The following GALNT2 variants were observed in gnomAD, a reference collection of about 807,000 sequenced individuals.
GALNT2 encodes the protein polypeptide N-acetylgalactosaminyltransferase 2.
A neutral mutation model predicts 81.4 loss-of-function variants in GALNT2; 31 were observed. The observed-to-expected ratio is 0.38, with a 90% CI of 0.29 to 0.51. The LOEUF (loss-of-function observed/expected upper bound fraction) is 0.51, where lower values mean the gene tolerates loss of function less well. Ranked by LOEUF, GALNT2 falls within the 20% of genes least tolerant of loss-of-function variation. GALNT2 has a pLI of 0.87. For missense variants in GALNT2, 629 were observed against 765.7 expected (o/e 0.82, Z 2.11); for synonymous variants, 303 against 287.4 (o/e 1.05, Z -0.55).
intron 2 of GALNT2, among the ~76,000 whole-genome samples, chr1:230,191,394 G>A (rs1488203824): frequency 6.6e-6 from 1 of 152,208 alleles, no homozygotes; most frequent in African/African-American, 2.4e-5. Context: ...AGGGGAAGTG[G>A]GATCATGATG....
chr1:230,208,310 GA>G (rs1162644615), intron 3 of GALNT2, among the ~76,000 whole-genome samples: 1 of 152,178 alleles, frequency 6.6e-6, no homozygotes, highest in Admixed American at 6.5e-5. Context: ...TAATGGACTG[GA>G]GGGGGGTATG....
intron 1 of GALNT2, among the ~76,000 whole-genome samples, chr1:230,075,684 G>GA (rs1558271469): frequency 1.3e-5 from 2 of 152,202 alleles, no homozygotes; most frequent in Admixed American, 6.5e-5. Flanking sequence ...TCATTCTAGT[G>GA]GGGGGCTGCG....
intron 1 of GALNT2, among the ~76,000 whole-genome samples, chr1:230,128,716 C>T (rs1264706908): frequency 1.3e-5 from 2 of 152,150 alleles, no homozygotes; most frequent in Admixed American, 6.5e-5. Context: ...GGCTGGGAGG[C>T]ATCTGTCTTC....
At chr1:230,218,474 G>A (rs1299658442) in intron 3 of GALNT2, among the ~76,000 whole-genome samples, 11 of 152,168 alleles carry the variant, frequency 7.2e-5, no homozygotes, top group Admixed American at 4.6e-4. Flanking sequence ...ATGGGCTGCC[G>A]TGTGAGGACT....
At chr1:230,119,040 A>G (rs1350252694) in intron 1 of GALNT2, among the ~76,000 whole-genome samples, 1 of 152,160 alleles carries the variant, frequency 6.6e-6, no homozygotes, top group Non-Finnish European at 1.5e-5. Context: ...ACCATAAATC[A>G]TACTTAAAAA....
chr1:230,218,409 C>A (rs901412579), intron 3 of GALNT2, among the ~76,000 whole-genome samples: 2 of 152,148 alleles, frequency 1.3e-5, no homozygotes, highest in Non-Finnish European at 2.9e-5. Flanking sequence ...ACGATCTTGG[C>A]GTGTCAGTTA....
At chr1:230,230,932 C>T (rs986323279) in intron 3 of GALNT2, among the ~76,000 whole-genome samples, 4 of 152,234 alleles carry the variant, frequency 2.6e-5, no homozygotes, top group African/African-American at 9.6e-5. Flanking sequence ...CCTCTCTGGG[C>T]CTTGTAGAGG....
chr1:230,060,694 G>A (rs963209776), intron 1 of GALNT2, among the ~76,000 whole-genome samples: 2 of 152,146 alleles, frequency 1.3e-5, no homozygotes, highest in Non-Finnish European at 2.9e-5. Context: ...CCTTTACTGC[G>A]ATGGTTGTAA....
intron 1 of GALNT2, among the ~76,000 whole-genome samples, chr1:230,151,597 C>T (rs1409014199): frequency 6.6e-6 from 1 of 152,162 alleles, no homozygotes; most frequent in Non-Finnish European, 1.5e-5. Flanking sequence ...AGGATCTCCC[C>T]ACATGTCCCT....
intron 1 of GALNT2, among the ~76,000 whole-genome samples, chr1:230,118,144 C>T (rs1660903140): frequency 6.6e-6 from 1 of 152,220 alleles, no homozygotes; most frequent in Non-Finnish European, 1.5e-5. Context: ...ATTTAAGGTT[C>T]TTCCATGTCT....
chr1:230,200,313 C>T (rs1393375024), intron 2 of GALNT2, among the ~76,000 whole-genome samples: 2 of 152,260 alleles, frequency 1.3e-5, no homozygotes, highest in South Asian at 2.1e-4. Context: ...CCACCTGCCT[C>T]GGCCTCCCCA....
chr1:230,229,565 TC>T (rs1664811221), intron 3 of GALNT2, among the ~76,000 whole-genome samples: 1 of 152,162 alleles, frequency 6.6e-6, no homozygotes, highest in Non-Finnish European at 1.5e-5. Context: ...TGACCAGTAG[TC>T]CTACTTGTGG....
At chr1:230,097,811 A>T (rs534277473) in intron 1 of GALNT2, among the ~76,000 whole-genome samples, 2 of 152,300 alleles carry the variant, frequency 1.3e-5, no homozygotes, top group East Asian at 1.9e-4. Flanking sequence ...AATTATGGTA[A>T]CACGCACCAA....
At chr1:230,252,940 G>A (rs567741788) in intron 10 of GALNT2, among the ~76,000 whole-genome samples, 147 of 138,298 alleles carry the variant, frequency 1.1e-3, no homozygotes, top group African/African-American at 3.5e-3. Flanking sequence ...TTCGCCTCCC[G>A]GGTTCAAGTG....
At chr1:230,192,109 G>T (rs1181635685) in intron 2 of GALNT2, among the ~76,000 whole-genome samples, 1 of 152,246 alleles carries the variant, frequency 6.6e-6, no homozygotes, top group African/African-American at 2.4e-5. Context: ...CTGAAAGGGG[G>T]CTGGGCAGCT....
chr1:230,236,465 G>A, intron 5 of GALNT2, 45 bp downstream of exon 5: 1 of 1,588,696 alleles, frequency 6.3e-7, no homozygotes, highest in Non-Finnish European at 8.6e-7. Context: ...GCTCTTCTCT[G>A]GGCACCAGTC....
intron 1 of GALNT2, among the ~76,000 whole-genome samples, chr1:230,128,091 G>T (rs566477613): frequency 2.6e-5 from 4 of 152,268 alleles, no homozygotes. Context: ...CTGCAGGAAG[G>T]GTGTCTGAAT....
Position 230,070,005 on chromosome 1 carries a change from T to C in GALNT2, c.126+2599T>C, listed in dbSNP as rs941283664. ...GCAGCCCAGCCCAGGCTTGTCATTG[T>C]GTGCCCTGCCTGTTAAGTAACTCAT... On this transcript the variant is annotated intron_variant, in intron 1 of 15. Coordinates refer to ENST00000366672, the MANE Select transcript of GALNT2 (RefSeq NM_004481.5). This position sits in a 1 kb window ranked among gnomAD's most constrained non-coding sequence, Gnocchi z 4.7. 2.0e-5 allele frequency among the ~76,000 whole-genome samples: 3 copies of C among 152,176 alleles called. No homozygotes were observed. The highest frequency in any genetic ancestry group is 7.2e-5 in the African/African-American group (3 of 41,446).
At chr1:230,195,980 C>T (rs186283650) in intron 2 of GALNT2, among the ~76,000 whole-genome samples, 3 of 152,176 alleles carry the variant, frequency 2.0e-5, no homozygotes, top group Non-Finnish European at 4.4e-5. Flanking sequence ...GCACCAGGGT[C>T]GTCAGCCTCC....
Sources: allele counts gnomAD v4.1 joint callset (sites outside exome capture counted in the v4.1 genomes callset), GRCh38; gene constraint gnomAD v4.1.1; non-coding constraint Gnocchi (gnomAD v3.1); transcripts MANE v1.5; gene names NCBI Gene and HGNC (gene_info 2026-07-23, HGNC 2026-07-21).